Variants in MTPN observed in about 807,000 individuals in gnomAD.
MTPN encodes the protein granule cell differentiation protein.
Under a neutral mutation model 13.5 loss-of-function variants are expected in MTPN, and 2 were observed. The observed-to-expected ratio is 0.15, with a 90% CI of 0.06 to 0.47. The LOEUF (loss-of-function observed/expected upper bound fraction) is 0.47. Among genes scored for constraint, MTPN ranks in the 20% least tolerant of loss-of-function variants. MTPN has a pLI of 0.97. For missense variants in MTPN, 79 were observed against 137.9 expected, an observed-to-expected ratio of 0.57 and a Z score of 2.14; for synonymous variants, 46 against 51.7, an observed-to-expected ratio of 0.89 and a Z score of 0.48.
Position 135,977,215 on chromosome 7 carries a change from G to T in MTPN, c.-115C>A. 9.4e-7 allele frequency: 1 copy of T among 1,066,274 alleles called. No homozygotes were observed. The highest frequency in any genetic ancestry group is 1.4e-6 in the Non-Finnish European group (1 of 695,306). The allele number at this position is 1,066,274 out of a possible 1,614,324, so 66.1% of individuals were successfully genotyped here. On this transcript the variant is annotated 5_prime_UTR_variant, in exon 1 of 4. Coordinates refer to ENST00000393085, the MANE Select transcript of MTPN (RefSeq NM_145808.4). ...GGCCGCGCGAAGCCGGAGAGGAGAA[G>T]AAGAGAAGGAGGGTTAGGCTGCCAG...
At position 135,977,163 on chromosome 7, in the gene MTPN, G is replaced by T; in HGVS notation, c.-63C>A. The T allele has an allele frequency of 1.9e-6, 3 of 1,546,282 alleles. No homozygotes were observed. Among genetic ancestry groups the T allele is most frequent in the South Asian group, 1.1e-5 (1 of 89,650 alleles). ...TGAGGAGGCGGTGGCAGCAGCAAGC[G>T]GATGCCGCCGGGCGAGAGGGAGGCA... On this transcript the variant is annotated 5_prime_UTR_variant, in exon 1 of 4. Transcript: ENST00000393085.
intron 1 of MTPN, among the ~76,000 whole-genome samples, chr7:135,956,513 T>C (rs1313601336): frequency 6.6e-6 from 1 of 152,212 alleles, no homozygotes; most frequent in Non-Finnish European, 1.5e-5. Context: ...CTACTTATTA[T>C]AGACCTTAGA....
chr7:135,944,982 T>C (rs1799270209), intron 3 of MTPN, among the ~76,000 whole-genome samples: 1 of 152,244 alleles, frequency 6.6e-6, no homozygotes, highest in African/African-American at 2.4e-5. Flanking sequence ...GTAGGATATA[T>C]GTTATAGCCT....
chr7:135,947,846 G>A (rs750124879), intron 3 of MTPN, among the ~76,000 whole-genome samples: 18 of 151,860 alleles, frequency 1.2e-4, no homozygotes, highest in Non-Finnish European at 2.4e-4. Context: ...AAATGATACA[G>A]CATATCATAT....
At chr7:135,956,491 T>C (rs564985369) in intron 1 of MTPN, among the ~76,000 whole-genome samples, 2 of 152,304 alleles carry the variant, frequency 1.3e-5, no homozygotes, top group African/African-American at 4.8e-5. Flanking sequence ...CAGATACTAT[T>C]TTAAACCTCT....
intron 1 of MTPN, among the ~76,000 whole-genome samples, chr7:135,973,242 T>C (rs1799722323): frequency 6.8e-6 from 1 of 146,782 alleles, no homozygotes; most frequent in Admixed American, 6.7e-5. Context: ...CTGGACTATA[T>C]ATTCTTTCTT....
At chr7:135,975,571 G>C (rs1244553987) in intron 1 of MTPN, among the ~76,000 whole-genome samples, 2 of 152,302 alleles carry the variant, frequency 1.3e-5, no homozygotes, top group South Asian at 4.1e-4. Context: ...TGTAAGTTCA[G>C]TTAGTACTTA....
chr7:135,938,267 T>C (rs1799147913), intron 3 of MTPN, among the ~76,000 whole-genome samples: 1 of 152,210 alleles, frequency 6.6e-6, no homozygotes, highest in East Asian at 1.9e-4. Flanking sequence ...TATCTACATA[T>C]ACACACAGAT....
At chr7:135,941,167 T>C (rs1445973280) in intron 3 of MTPN, among the ~76,000 whole-genome samples, 1 of 152,236 alleles carries the variant, frequency 6.6e-6, no homozygotes, top group African/African-American at 2.4e-5. Context: ...CTAGTTCTCA[T>C]ATATTTCATA....
chr7:135,965,526 T>C (rs1002119982), intron 1 of MTPN, among the ~76,000 whole-genome samples: 3 of 152,160 alleles, frequency 2.0e-5, no homozygotes, highest in Non-Finnish European at 4.4e-5. Context: ...GGTTTTAACA[T>C]TTGTTTCTTA....
At position 135,977,139 on chromosome 7, in the gene MTPN, G is replaced by A. The variant is rs1474645608; in HGVS notation, c.-39C>T. ...CAGGCCGGTTGGCCGGGCAGAAGAT[G>A]AGGAGGCGGTGGCAGCAGCAAGCGG... is the stretch of plus-strand genomic sequence containing the variant. On this transcript the variant is annotated 5_prime_UTR_variant, in exon 1 of 4. Transcript: ENST00000393085. 6.2e-7 allele frequency: 1 copy of A among 1,608,396 alleles called. No homozygotes were observed. The highest frequency in any genetic ancestry group is 1.7e-5 in the Admixed American group (1 of 60,018).
intron 3 of MTPN, chr7:135,932,331 C>T (rs1207702028): frequency 6.6e-6 from 1 of 152,104 alleles, no homozygotes; most frequent in African/African-American, 2.4e-5. Flanking sequence ...GTTGCCACAG[C>T]TCAATCTCTT....
chr7:135,941,532 A>C (rs185076869), intron 3 of MTPN, among the ~76,000 whole-genome samples: 13 of 152,312 alleles, frequency 8.5e-5, no homozygotes, highest in Admixed American at 1.3e-4. Flanking sequence ...AGGTACTTCA[A>C]GTTTTCCAAG....
At chr7:135,967,019 G>A (rs1304142822) in intron 1 of MTPN, among the ~76,000 whole-genome samples, 3 of 152,084 alleles carry the variant, frequency 2.0e-5, no homozygotes, top group Non-Finnish European at 2.9e-5. Context: ...AAGTTTGTGA[G>A]CCACTATTCA....
Position 135,927,220 on chromosome 7 carries a change from G to T in MTPN, c.*2706C>A. 2 of 1,293,688 alleles carry T rather than the reference G, an allele frequency of 1.5e-6. No homozygotes were observed. The highest frequency in any genetic ancestry group is 2.1e-6 in the Non-Finnish European group (2 of 967,530). 80.1% of individuals were successfully genotyped at this position (1,293,688 alleles called of 1,614,324 possible). ...CAATGAATAAAAGGCCTACTTGTTT[G>T]CAGCTTCCACACACTGCACCTACCT... On this transcript the variant is annotated 3_prime_UTR_variant, in exon 4 of 4. Transcript: ENST00000393085.
At chr7:135,931,880 G>A (rs927466213) in intron 3 of MTPN, among the ~76,000 whole-genome samples, 4 of 152,092 alleles carry the variant, frequency 2.6e-5, no homozygotes, top group African/African-American at 9.7e-5. Flanking sequence ...GATGGGGTAT[G>A]TGATGTTTTG....
chr7:135,964,253 G>A (rs1004560891), intron 1 of MTPN, among the ~76,000 whole-genome samples: 4 of 151,962 alleles, frequency 2.6e-5, no homozygotes, highest in Admixed American at 2.6e-4. Context: ...TTAAATAAGG[G>A]AAATAATGTA....
chr7:135,953,138 T>C (rs1173836836), intron 1 of MTPN, among the ~76,000 whole-genome samples: 2 of 152,182 alleles, frequency 1.3e-5, no homozygotes, highest in Non-Finnish European at 2.9e-5. Flanking sequence ...TTGTCACTTA[T>C]GCCTGCTCCC....
Position 135,926,934 on chromosome 7 carries a change from G to A in MTPN, c.*2992C>T, listed in dbSNP as rs1798928613. 6.1e-6 allele frequency: 1 copy of A among 163,522 alleles called. No individual in the cohort carries two copies. The highest frequency in any genetic ancestry group is 1.3e-5 in the Non-Finnish European group (1 of 75,460). The allele number at this position is 163,522 out of a possible 1,614,324, so 10.1% of individuals were successfully genotyped here. On this transcript the variant is annotated 3_prime_UTR_variant, in exon 4 of 4. Coordinates refer to ENST00000393085, the MANE Select transcript of MTPN (RefSeq NM_145808.4). ...ATATATCAAAATGCACAAAGCACTA[G>A]TCTTCCTCCATTACCGCTTAGAAAG...
Sources: allele counts gnomAD v4.1 joint callset (sites outside exome capture counted in the v4.1 genomes callset), GRCh38; gene constraint gnomAD v4.1.1; transcripts MANE v1.5; gene names NCBI Gene and HGNC (gene_info 2026-07-23, HGNC 2026-07-21).